Variants in TUBGCP4 observed in about 807,000 individuals in gnomAD.
The protein encoded by TUBGCP4 is tubulin gamma complex component 4, also known as gamma-tubulin complex component 4.
In TUBGCP4, 54 loss-of-function variants were observed where a neutral mutation model predicts 91.6. That is an observed-to-expected ratio of 0.59 (90% CI 0.47 to 0.74). TUBGCP4 has a LOEUF of 0.74. Among genes scored for constraint, TUBGCP4 ranks in the 30% least tolerant of loss-of-function variants. The pLI is 0.00. For synonymous variants in TUBGCP4, 297 were observed against 302.8 expected, an observed-to-expected ratio of 0.98 and a Z score of 0.20; for missense variants, 593 against 800.9, an observed-to-expected ratio of 0.74 and a Z score of 3.13.
intron 1 of TUBGCP4, among the ~76,000 whole-genome samples, chr15:43,375,261 G>T (rs146759605): frequency 6.6e-6 from 1 of 152,240 alleles, no homozygotes; most frequent in Non-Finnish European, 1.5e-5. Flanking sequence ...CAGTAGAGTG[G>T]TGTTTGGCAG....
chr15:43,376,465 C>A (rs756277945), intron 2 of TUBGCP4, 38 bp from the exon 3 acceptor site: 26 of 1,614,138 alleles, frequency 1.6e-5, no homozygotes, highest in Middle Eastern at 1.6e-4. Context: ...GTTTCAGGGC[C>A]TGAGCTGAGA....
At chr15:43,385,059 T>C (rs572695836) in intron 7 of TUBGCP4, among the ~76,000 whole-genome samples, 1 of 152,252 alleles carries the variant, frequency 6.6e-6, no homozygotes, top group Admixed American at 6.5e-5. Flanking sequence ...GTAGTGACGA[T>C]AGGGGTGTAT....
At chr15:43,386,550 C>A (rs2044376267) in intron 9 of TUBGCP4, among the ~76,000 whole-genome samples, 1 of 147,790 alleles carries the variant, frequency 6.8e-6, no homozygotes, top group South Asian at 2.2e-4. Flanking sequence ...CATGGTGAAA[C>A]CCCGTCTCTA....
rs1356650951 is a variant in TUBGCP4 at position 43,383,428 on chromosome 15, C to T, written c.647C>T (p.Ala216Val). 1 of 1,614,040 alleles carries T rather than the reference C, an allele frequency of 6.2e-7. No individual in the cohort carries two copies. Among genetic ancestry groups the T allele is most frequent in the East Asian group, 2.2e-5 (1 of 44,880 alleles). Residue 216 changes from alanine to valine, a missense_variant, in exon 7 of 18, where the codon GCC becomes GTC. Coordinates refer to ENST00000564079, the MANE Select transcript of TUBGCP4 (RefSeq NM_014444.5). ...GGGCCATCTTCTGGTAATGTCAGTGCCCAGCCAGAAGAGGACGAGGAGGAT... is the reference window on the plus strand; with the variant it reads ...GGGCCATCTTCTGGTAATGTCAGTGTCCAGCCAGAAGAGGACGAGGAGGAT... ...KQGPSSGNVS[A>V]QPEEDEEDLG... is the part of the protein sequence containing the mutation.
In TUBGCP4 at chr15:43,407,095, A is replaced by G. The variant is rs1029027933; in HGVS notation, c.*1881A>G. ...AATAAAGTTCACTCTTAACTTTTCA[A>G]TTTCCTTGGCCAGCTGTCCTCCGTA... On this transcript the variant is annotated 3_prime_UTR_variant, in exon 18 of 18. Transcript: ENST00000564079. 6 of 318,136 alleles carry G rather than the reference A, an allele frequency of 1.9e-5. No homozygotes were observed. The highest frequency in any genetic ancestry group is 1.3e-4 in the East Asian group (2 of 15,900). 19.7% of individuals were successfully genotyped at this position (318,136 alleles called of 1,614,324 possible). A position where few individuals can be genotyped will look rare whatever the true frequency, so the allele number is the denominator to read the frequency against.
rs1566906677 is a variant in TUBGCP4 at position 43,405,265 on chromosome 15, C to T, written c.*51C>T. The stretch of plus-strand genomic sequence containing the variant: ...AACAGCCACGTTCCCAAGGTTGTAA[C>T]AGAAGATTCAAAACATCCCATTCTA... On this transcript the variant is annotated 3_prime_UTR_variant, in exon 18 of 18. Transcript: ENST00000564079. 2 of 1,603,324 alleles carry T rather than the reference C, an allele frequency of 1.2e-6. No individual in the cohort carries two copies. Among genetic ancestry groups the T allele is most frequent in the African/African-American group, 1.3e-5 (1 of 74,816 alleles).
At chr15:43,401,917 T>A in intron 15 of TUBGCP4, 67 bp downstream of exon 15, 1 of 1,563,954 alleles carries the variant, frequency 6.4e-7, no homozygotes, top group Non-Finnish European at 8.7e-7. Flanking sequence ...GCAGTTTGAG[T>A]TGACAGGATA....
chr15:43,408,620 A>G lies in TUBGCP4; in HGVS notation c.*3406A>G, dbSNP rs1341643300. The stretch of plus-strand genomic sequence containing the variant: ...ATCCAAATCATGCTCCTGAGCCTAT[A>G]TATTTTTAATGCTTGCTTAAAACTT... On this transcript the variant is annotated 3_prime_UTR_variant, in exon 18 of 18. Transcript: ENST00000564079. The G allele has an allele frequency of 4.7e-6, 2 of 427,046 alleles. No homozygotes were observed. Among genetic ancestry groups the G allele is most frequent in the Non-Finnish European group, 8.6e-6 (2 of 232,022 alleles). The allele number at this position is 427,046 out of a possible 1,614,324, so 26.5% of individuals were successfully genotyped here.
chr15:43,399,185 C>G, intron 13 of TUBGCP4: 1 of 1,219,240 alleles, frequency 8.2e-7, no homozygotes, highest in South Asian at 1.4e-5. Flanking sequence ...GTAAATAAAT[C>G]CTATTCTACC....
In TUBGCP4 at chr15:43,371,349, G is replaced by C; in HGVS notation, c.-6G>C. On this transcript the variant is annotated 5_prime_UTR_variant, in exon 1 of 18. Transcript: ENST00000564079. Reference sequence around the variant, plus strand: ...CATAACCAGGGACTCGAGGTCCGCCGTGGGAATGATCCACGAACTGCTCTT... The same window carrying C: ...CATAACCAGGGACTCGAGGTCCGCCCTGGGAATGATCCACGAACTGCTCTT... 1 of 1,613,756 alleles carries C rather than the reference G, an allele frequency of 6.2e-7. No homozygotes were observed. The highest frequency in any genetic ancestry group is 1.1e-5 in the South Asian group (1 of 90,920).
At position 43,397,999 on chromosome 15, in the gene TUBGCP4, AGTT is replaced by A. The variant is rs775157487; in HGVS notation, c.1280-38_1280-36del. ...TGAGTCTCTGGTTCTAGATTAACCA[AGTT>A]GTTATCTTTTCTTTTTTTCTTTTCT... On this transcript the variant is annotated intron_variant, in intron 12 of 17. Coordinates refer to ENST00000564079, the MANE Select transcript of TUBGCP4 (RefSeq NM_014444.5). 1.4e-5 allele frequency: 22 copies of A among 1,582,376 alleles called. No individual in the cohort carries two copies. The Admixed American group carries it at 3.9e-4, about 28-fold the overall frequency.
At chr15:43,371,883 T>C (rs2044129193) in intron 1 of TUBGCP4, among the ~76,000 whole-genome samples, 1 of 152,194 alleles carries the variant, frequency 6.6e-6, no homozygotes, top group African/African-American at 2.4e-5. Context: ...CCCTCATTAC[T>C]CCTTTACCAG....
intron 12 of TUBGCP4, among the ~76,000 whole-genome samples, chr15:43,397,704 A>C (rs1240991923): frequency 2.0e-5 from 3 of 152,054 alleles, no homozygotes; most frequent in Non-Finnish European, 4.4e-5. Context: ...CGCAGACTCC[A>C]TTGAGCTCTG....
intron 16 of TUBGCP4, 68 bp from the exon 17 acceptor site, chr15:43,404,345 G>GC: frequency 6.3e-7 from 1 of 1,582,292 alleles, no homozygotes; most frequent in Non-Finnish European, 8.6e-7. Context: ...TCCTCCCTCC[G>GC]CCCCCATCCT....
At chr15:43,386,138 T>A in intron 8 of TUBGCP4, 68 bp from the exon 9 acceptor site, 1 of 1,548,832 alleles carries the variant, frequency 6.5e-7, no homozygotes, top group Non-Finnish European at 8.7e-7. Context: ...AGATTAGCCC[T>A]CCCCAGAAAA....
At chr15:43,389,878 C>T (rs982309447) in intron 9 of TUBGCP4, among the ~76,000 whole-genome samples, 4 of 151,584 alleles carry the variant, frequency 2.6e-5, no homozygotes, top group Non-Finnish European at 5.9e-5. Context: ...GGGGCACTCC[C>T]CTTTATAAAA....
At chr15:43,376,254 C>A (rs760724074) in intron 2 of TUBGCP4, 28 bp downstream of exon 2, 19 of 1,611,994 alleles carry the variant, frequency 1.2e-5, no homozygotes, top group Non-Finnish European at 1.4e-5. Flanking sequence ...TGGGTGTACA[C>A]CTCTAGAGGG....
At chr15:43,398,886 C>T (rs931595667) in intron 13 of TUBGCP4, among the ~76,000 whole-genome samples, 4 of 152,166 alleles carry the variant, frequency 2.6e-5, no homozygotes, top group African/African-American at 7.2e-5. Flanking sequence ...TAAAGCAAAT[C>T]ACAGTCATTT....
chr15:43,379,805 G>A (rs1212703405), intron 5 of TUBGCP4, among the ~76,000 whole-genome samples: 2 of 152,292 alleles, frequency 1.3e-5, no homozygotes, highest in Non-Finnish European at 2.9e-5. Flanking sequence ...TAAGTGCAGT[G>A]GTTCTCACAC....
Sources: gnomAD v4.1 joint callset for allele counts (sites outside exome capture counted in the v4.1 genomes callset) on GRCh38, gnomAD v4.1.1 for gene constraint, MANE v1.5 for transcripts, NCBI Gene and HGNC (gene_info 2026-07-23, HGNC 2026-07-21) for gene names.